The following SLC6A15 variants were observed in gnomAD, a reference collection of about 807,000 sequenced individuals.
SLC6A15 encodes the protein solute carrier family 6 member 15.
Under a neutral mutation model 68.5 loss-of-function variants are expected in SLC6A15, and 33 were observed. That is an observed-to-expected ratio of 0.48 (90% CI 0.37 to 0.64). The LOEUF is 0.64. SLC6A15 is among the 30% of genes least tolerant of loss of function. SLC6A15 has a pLI of 0.00. For synonymous variants in SLC6A15, 347 were observed against 301.0 expected (o/e 1.15, Z -1.58); for missense variants, 747 against 874.3 (o/e 0.85, Z 1.84).
chr12:84,891,700 G>T, intron 2 of SLC6A15, 132 bp downstream of exon 2: 1 of 933,966 alleles, frequency 1.1e-6, no homozygotes, highest in Non-Finnish European at 1.6e-6. Context: ...TTCCCACAAA[G>T]AAGTGGGTTT....
chr12:84,906,426 G>T (rs1873157043), intron 1 of SLC6A15, among the ~76,000 whole-genome samples: 1 of 152,108 alleles, frequency 6.6e-6, no homozygotes, highest in Non-Finnish European at 1.5e-5. Flanking sequence ...TTTCTACAAA[G>T]AAGATTATTT....
intron 1 of SLC6A15, among the ~76,000 whole-genome samples, chr12:84,896,640 C>A (rs76752381): frequency 0.041 from 6,272 of 152,004 alleles, 404 homozygotes; most frequent in African/African-American, 0.14. Flanking sequence ...ATTGAAAATG[C>A]GTAGTTCCAA....
rs201083523 is a variant in SLC6A15, at chr12:84,878,433, GA to G, written c.757-1827del. Among the ~76,000 whole-genome samples, 1,338 of 152,088 alleles carry G rather than the reference GA, an allele frequency of 8.8e-3. 24 individuals carry two copies. Among genetic ancestry groups the G allele is most frequent in the African/African-American group, 0.031 (1,277 of 41,498 alleles). Reference sequence around the variant, plus strand: ...TAATCCCCTTTATGATTCTTCTTCAGAAATGTTGTGGCTAGCCAGAAGCATG... The same window carrying G: ...TAATCCCCTTTATGATTCTTCTTCAGAATGTTGTGGCTAGCCAGAAGCATG... On this transcript the variant is annotated intron_variant, in intron 5 of 11. Coordinates refer to ENST00000266682, the MANE Select transcript of SLC6A15 (RefSeq NM_182767.6).
At chr12:84,872,195 A>C (rs894038848) in intron 8 of SLC6A15, among the ~76,000 whole-genome samples, 1 of 152,038 alleles carries the variant, frequency 6.6e-6, no homozygotes, top group South Asian at 2.1e-4. Flanking sequence ...CTTGTGGAAC[A>C]CAACTATTAA....
chr12:84,864,228 CTCT>C (rs1454224075), intron 10 of SLC6A15, among the ~76,000 whole-genome samples: 8 of 151,154 alleles, frequency 5.3e-5, no homozygotes, highest in African/African-American at 1.9e-4. Flanking sequence ...ATTTTCTGAA[CTCT>C]TCTTTTTACA....
intron 9 of SLC6A15, 168 bp from the exon 10 acceptor site, chr12:84,867,361 T>C: frequency 2.4e-6 from 1 of 424,318 alleles, no homozygotes; most frequent in Non-Finnish European, 4.0e-6. Flanking sequence ...AGGAATTAGG[T>C]TACCTGGGTG....
chr12:84,861,835 T>C lies in SLC6A15; in HGVS notation c.1990A>G (p.Lys664Glu), dbSNP rs767888108. The C allele has an allele frequency of 1.2e-6, 2 of 1,613,950 alleles. No individual in the cohort carries two copies. The highest frequency in any genetic ancestry group is 2.2e-5 in the South Asian group (2 of 91,070). ...SVTYKRGRVLKEPVNLEGDDT... is the reference protein window; with the variant it reads ...SVTYKRGRVLEEPVNLEGDDT... The stretch of plus-strand genomic sequence containing the variant: ...TCGCCCTCTAAGTTCACAGGCTCTT[T>C]CAGGACCCTTCCTCTCTTATAGGTC... The change falls in exon 12 of 12, where the codon AAA becomes GAA. Residue 664 changes from lysine (K) to glutamate (E), a missense_variant. Transcript: ENST00000266682.
chr12:84,911,253 A>G (rs955671100), intron 1 of SLC6A15, among the ~76,000 whole-genome samples: 9 of 152,198 alleles, frequency 5.9e-5, no homozygotes, highest in African/African-American at 1.7e-4. Context: ...GAGGAGCCCC[A>G]AAGCAGCATA....
At position 84,893,446 on chromosome 12, in the gene SLC6A15, G is replaced by A. The variant is rs188491633; in HGVS notation, c.-188-1138C>T. 7.3e-5 allele frequency among the ~76,000 whole-genome samples: 11 copies of A among 151,360 alleles called. No homozygotes were observed. The East Asian group carries it at 1.6e-3, about 22-fold the overall frequency. On this transcript the variant is annotated intron_variant, in intron 1 of 11. Transcript: ENST00000266682. Reference sequence around the variant, plus strand: ...TTTCCTTTCTTTATTTGTATGTTACGTCTCCTATCCTTTTCCCCACTCAGA... The same window carrying A: ...TTTCCTTTCTTTATTTGTATGTTACATCTCCTATCCTTTTCCCCACTCAGA...
chr12:84,885,492 A>G lies in SLC6A15; in HGVS notation c.517T>C (p.Phe173Leu), dbSNP rs1450781928. ...TGATCCCAAGGCAGGGGTTGCTGAA[A>G]AGACTGAGAAAAATAAAACAAACTC... is the stretch of plus-strand genomic sequence containing the variant. ...GWSLFYFSQS[F>L]QQPLPWDQCP... The change falls in exon 4 of 12, where the codon TTT becomes CTT. Residue 173 changes from phenylalanine (F) to leucine (L), a missense_variant. Phe to Leu is a conservative substitution (Grantham distance 22). Transcript: ENST00000266682. 2 of 1,613,684 alleles carry G rather than the reference A, an allele frequency of 1.2e-6. No homozygotes were observed.
intron 1 of SLC6A15, among the ~76,000 whole-genome samples, chr12:84,907,783 T>G (rs1565735472): frequency 6.6e-6 from 1 of 152,174 alleles, no homozygotes; most frequent in African/African-American, 2.4e-5. Flanking sequence ...AACCCTAAAC[T>G]AGAAATAATC....
chr12:84,899,931 G>A (rs1872785427), intron 1 of SLC6A15, among the ~76,000 whole-genome samples: 1 of 151,928 alleles, frequency 6.6e-6, no homozygotes, highest in African/African-American at 2.4e-5. Flanking sequence ...TACTTTTTGT[G>A]TTCTTTTTCA....
rs527455113 is a variant in SLC6A15 at position 84,902,686 on chromosome 12, G to C, written c.-189+9837C>G. Among the ~76,000 whole-genome samples, 225 of 151,930 alleles carry C rather than the reference G, an allele frequency of 1.5e-3. 1 individual carries two copies. Among genetic ancestry groups the C allele is most frequent in the African/African-American group, 5.0e-3 (207 of 41,456 alleles). ...CAGTAAAAAAGAACTATTGATACAT[G>C]CAACAACTTGCATGTACCTAAAGGA... On this transcript the variant is annotated intron_variant, in intron 1 of 11. Coordinates refer to ENST00000266682, the MANE Select transcript of SLC6A15 (RefSeq NM_182767.6).
In SLC6A15 at chr12:84,863,604, G is replaced by T; in HGVS notation, c.1656-3C>A. The T allele has an allele frequency of 6.6e-7, 1 of 1,503,856 alleles. No homozygotes were observed. Among genetic ancestry groups the T allele is most frequent in the African/African-American group, 1.4e-5 (1 of 69,678 alleles). 93.2% of individuals were successfully genotyped at this position (1,503,856 alleles called of 1,614,324 possible). The stretch of plus-strand genomic sequence containing the variant: ...TATCTTTTAGGTCTTCCATAAACCT[G>T]AATAAAAAGAAAGTATTTAATTATT... On this transcript the variant is annotated splice_polypyrimidine_tract_variant and splice_region_variant and intron_variant, in intron 10 of 11. Coordinates refer to ENST00000266682, the MANE Select transcript of SLC6A15 (RefSeq NM_182767.6).
At position 84,872,081 on chromosome 12, in the gene SLC6A15, T is replaced by C. The variant is rs540701226; in HGVS notation, c.1302+521A>G. ...GCTGACCAGGAGAATTGCTTGAACC[T>C]GGGAAGCAGAGGATGCAGTGAGCCA... On this transcript the variant is annotated intron_variant, in intron 8 of 11. Coordinates refer to ENST00000266682, the MANE Select transcript of SLC6A15 (RefSeq NM_182767.6). 1.6e-4 allele frequency among the ~76,000 whole-genome samples: 24 copies of C among 149,810 alleles called. No individual in the cohort carries two copies. The East Asian group carries it at 4.5e-3, about 28-fold the overall frequency.
At chr12:84,880,972 T>A in intron 5 of SLC6A15, 1 of 635,718 alleles carries the variant, frequency 1.6e-6, no homozygotes, top group Non-Finnish European at 2.0e-6. Context: ...GCCAACTATT[T>A]ATTTTCCCTG....
In SLC6A15 at chr12:84,886,771, T is replaced by C. The variant is rs1040716503; in HGVS notation, c.290-703A>G. ...GTAAAAATGTATATGTTATTATCCT[T>C]GTAATAAAATTTCCATATTTTAAAA... On this transcript the variant is annotated intron_variant, in intron 2 of 11. Transcript: ENST00000266682. Among the ~76,000 whole-genome samples the C allele has an allele frequency of 1.2e-4, 19 of 152,182 alleles. 1 individual carries two copies. The highest frequency in any genetic ancestry group is 5.9e-5 in the Non-Finnish European group (4 of 68,030).
chr12:84,862,606 C>A (rs529103794), intron 11 of SLC6A15, among the ~76,000 whole-genome samples: 2 of 152,150 alleles, frequency 1.3e-5, no homozygotes, highest in South Asian at 4.2e-4. Context: ...TTTATAACAG[C>A]TGACATATAC....
chr12:84,902,594 T>C (rs1872936063), intron 1 of SLC6A15, among the ~76,000 whole-genome samples: 1 of 151,934 alleles, frequency 6.6e-6, no homozygotes, highest in Admixed American at 6.6e-5. Flanking sequence ...ATGGAAACTA[T>C]CCAGTATGCG....
Sources: gnomAD v4.1 joint callset for allele counts (sites outside exome capture counted in the v4.1 genomes callset) on GRCh38, gnomAD v4.1.1 for gene constraint, MANE v1.5 for transcripts, NCBI Gene and HGNC (gene_info 2026-07-23, HGNC 2026-07-21) for gene names.